The following PLSCR5 variants were observed in gnomAD, a reference collection of about 807,000 sequenced individuals.
PLSCR5 encodes the protein phospholipid scramblase family, member 5.
In PLSCR5, 44 loss-of-function variants were observed where a neutral mutation model predicts 33.6. The ratio of observed to expected loss-of-function variants is 1.31; its 90% CI spans 1.03 to 1.69. The LOEUF is 1.69. PLSCR5 is among the 40% of genes most tolerant of loss of function. The probability of loss-of-function intolerance (pLI) is 0.00; values close to 1 mark genes in which losing one functional copy is unlikely to be tolerated. For synonymous variants in PLSCR5, 148 were observed against 112.3 expected, an observed-to-expected ratio of 1.32 and a Z score of -2.01; for missense variants, 375 against 318.7, an observed-to-expected ratio of 1.18 and a Z score of -1.34.
intron 1 of PLSCR5, among the ~76,000 whole-genome samples, chr3:146,603,377 G>T (rs2044836350): frequency 6.6e-6 from 1 of 152,050 alleles, no homozygotes; most frequent in Non-Finnish European, 1.5e-5. Flanking sequence ...TCACAAGAAA[G>T]CTTCATTATC....
intron 5 of PLSCR5, 105 bp downstream of exon 5, chr3:146,591,615 T>C: frequency 8.0e-7 from 1 of 1,249,220 alleles, no homozygotes. Context: ...TGTCATTTTC[T>C]GAACTTATTT....
intron 5 of PLSCR5, 150 bp downstream of exon 5, chr3:146,591,570 G>GA (rs2044714308): frequency 2.3e-6 from 2 of 860,170 alleles, no homozygotes; most frequent in Non-Finnish European, 3.6e-6. Flanking sequence ...TTCTTAGCAT[G>GA]TACAATATGG....
chr3:146,602,428 T>C (rs1357977263), intron 1 of PLSCR5, among the ~76,000 whole-genome samples: 1 of 152,108 alleles, frequency 6.6e-6, no homozygotes, highest in African/African-American at 2.4e-5. Context: ...TAGTTCACAA[T>C]GATAAAATCC....
intron 1 of PLSCR5, among the ~76,000 whole-genome samples, chr3:146,600,711 T>C (rs535400740): frequency 2.0e-5 from 3 of 151,404 alleles, no homozygotes; most frequent in African/African-American, 7.3e-5. Flanking sequence ...TAAAAGACTT[T>C]AGAAAAAAAT....
chr3:146,596,757 A>G (rs1390379193), intron 2 of PLSCR5, among the ~76,000 whole-genome samples: 1 of 152,180 alleles, frequency 6.6e-6, no homozygotes. Flanking sequence ...TTCTCCTTGT[A>G]TGTCCTAAGG....
intron 6 of PLSCR5, 144 bp from the exon 7 acceptor site, chr3:146,586,256 T>C: frequency 1.2e-6 from 1 of 861,710 alleles, no homozygotes; most frequent in Non-Finnish European, 1.6e-6. Flanking sequence ...AGAAGAAAAA[T>C]TTAAAAGTCT....
rs574529361 is a variant in PLSCR5, at chr3:146,594,097, G to GTTTTTAAT, written c.268_275dup (p.Asn92LysfsTer33). 75 of 1,613,514 alleles carry GTTTTTAAT rather than the reference G, an allele frequency of 4.6e-5. No homozygotes were observed. In the East Asian group the frequency reaches 1.4e-3, roughly 30 times the overall value. On this transcript the variant is annotated frameshift_variant, in exon 4 of 8. Transcript: ENST00000443512. LOFTEE classifies it high-confidence loss of function. Reference sequence around the variant, plus strand: ...CAAAGTAAATTCTTTGTCCCAAGCTGTTTTTAATCTCATATTTGTTGGAGG... The same window carrying GTTTTTAAT: ...CAAAGTAAATTCTTTGTCCCAAGCTGTTTTTAATTTTTTAATCTCATATTTGTTGGAGG...
chr3:146,585,944 T>G lies in PLSCR5; in HGVS notation c.*45-2A>C. 3.0e-6 allele frequency: 3 copies of G among 1,009,130 alleles called. No individual in the cohort carries two copies. Among genetic ancestry groups the G allele is most frequent in the Non-Finnish European group, 4.1e-6 (3 of 735,466 alleles). The allele number at this position is 1,009,130 out of a possible 1,614,324, so 62.5% of individuals were successfully genotyped here. A position where few individuals can be genotyped will look rare whatever the true frequency, so the allele number is the denominator to read the frequency against. On this transcript the variant is annotated splice_acceptor_variant, in intron 7 of 7. Transcript: ENST00000443512. LOFTEE classifies it low-confidence loss of function (3UTR_SPLICE). ...TGAAATCCAGAGCCCAAGGGATTTCTAGAAGAAAATGAAAAAGAGTTAGAT... is the reference window on the plus strand; with the variant it reads ...TGAAATCCAGAGCCCAAGGGATTTCGAGAAGAAAATGAAAAAGAGTTAGAT...
intron 6 of PLSCR5, among the ~76,000 whole-genome samples, chr3:146,587,145 G>A (rs971848666): frequency 3.3e-5 from 5 of 152,092 alleles, no homozygotes; most frequent in African/African-American, 9.7e-5. Flanking sequence ...TCAAGTGCAG[G>A]TCCTGATGCA....
intron 2 of PLSCR5, among the ~76,000 whole-genome samples, chr3:146,596,659 A>G (rs1221392589): frequency 6.6e-6 from 1 of 152,180 alleles, no homozygotes; most frequent in African/African-American, 2.4e-5. Flanking sequence ...ACTCACCAGT[A>G]ACTATTAAAC....
chr3:146,592,766 C>T (rs2044726625), intron 4 of PLSCR5, among the ~76,000 whole-genome samples: 1 of 151,980 alleles, frequency 6.6e-6, no homozygotes, highest in Admixed American at 6.6e-5. Context: ...TTAAAAGTTA[C>T]TAATAGTTAT....
At chr3:146,592,816 C>A (rs568057043) in intron 4 of PLSCR5, among the ~76,000 whole-genome samples, 1 of 151,914 alleles carries the variant, frequency 6.6e-6, no homozygotes, top group African/African-American at 2.4e-5. Context: ...CCTGGACTAC[C>A]ATTAAAGAAA....
chr3:146,583,870 C>A (rs1337273349), downstream of PLSCR5, among the ~76,000 whole-genome samples: 2 of 152,172 alleles, frequency 1.3e-5, no homozygotes, highest in Admixed American at 6.5e-5. Context: ...ATGATAATTT[C>A]TTTTTCCCAT....
Position 146,591,891 on chromosome 3 carries a change from G to A in PLSCR5, c.454-10C>T. 1 of 1,575,878 alleles carries A rather than the reference G, an allele frequency of 6.3e-7. No individual in the cohort carries two copies. The highest frequency in any genetic ancestry group is 8.6e-7 in the Non-Finnish European group (1 of 1,161,286). Reference sequence around the variant, plus strand: ...GGGCTTGGATTTCTAACTGTAAGAAGAGATAATGATAAAATAAGATTTTCT... The same window carrying A: ...GGGCTTGGATTTCTAACTGTAAGAAAAGATAATGATAAAATAAGATTTTCT... On this transcript the variant is annotated splice_polypyrimidine_tract_variant and intron_variant, in intron 4 of 7. Coordinates refer to ENST00000443512, the MANE Select transcript of PLSCR5 (RefSeq NM_001085420.2).
In PLSCR5 at chr3:146,604,109, G is replaced by A. The variant is rs140113228; in HGVS notation, c.13+1091C>T. 5.2e-3 allele frequency among the ~76,000 whole-genome samples: 788 copies of A among 152,200 alleles called. 4 individuals are homozygous for A. Among genetic ancestry groups the A allele is most frequent in the African/African-American group, 0.018 (750 of 41,560 alleles). ...CTAATTTAGGATATTACAAATTGAT[G>A]AGCCCTATTATCCTATTTGTAATTA... On this transcript the variant is annotated intron_variant, in intron 1 of 7. Coordinates refer to ENST00000443512, the MANE Select transcript of PLSCR5 (RefSeq NM_001085420.2).
downstream of PLSCR5, among the ~76,000 whole-genome samples, chr3:146,584,633 A>C (rs1238674892): frequency 6.6e-6 from 1 of 152,176 alleles, no homozygotes; most frequent in Non-Finnish European, 1.5e-5. Flanking sequence ...GGGGGTTATC[A>C]GAAAATGTTA....
At chr3:146,604,774 A>G (rs1306316651) in intron 1 of PLSCR5, among the ~76,000 whole-genome samples, 2 of 152,092 alleles carry the variant, frequency 1.3e-5, no homozygotes, top group African/African-American at 4.8e-5. Context: ...CCTACTATGT[A>G]CCCACATAAA....
rs200510836 is a variant in PLSCR5 at position 146,593,902 on chromosome 3, C to T, written c.453+18G>A. On this transcript the variant is annotated intron_variant, in intron 4 of 7. Transcript: ENST00000443512. ...TAATCTTAAAAATCAAAAAGGACAACCAGAGCCAGTAACTAACCTCTTGTA... is the reference window on the plus strand; with the variant it reads ...TAATCTTAAAAATCAAAAAGGACAATCAGAGCCAGTAACTAACCTCTTGTA... 2.5e-6 allele frequency: 4 copies of T among 1,603,384 alleles called. No homozygotes were observed. Among genetic ancestry groups the T allele is most frequent in the Admixed American group, 1.7e-5 (1 of 59,884 alleles).
rs2044719255 is a variant in PLSCR5, at chr3:146,591,889, A to G, written c.454-8T>C. 1.9e-6 allele frequency: 3 copies of G among 1,581,308 alleles called. No individual in the cohort carries two copies. Among genetic ancestry groups the G allele is most frequent in the South Asian group, 1.2e-5 (1 of 85,374 alleles). ...AGGGGCTTGGATTTCTAACTGTAAGAAGAGATAATGATAAAATAAGATTTT... is the reference window on the plus strand; with the variant it reads ...AGGGGCTTGGATTTCTAACTGTAAGGAGAGATAATGATAAAATAAGATTTT... On this transcript the variant is annotated splice_polypyrimidine_tract_variant and splice_region_variant and intron_variant, in intron 4 of 7. Coordinates refer to ENST00000443512, the MANE Select transcript of PLSCR5 (RefSeq NM_001085420.2).
Sources: gnomAD v4.1 joint callset for allele counts (sites outside exome capture counted in the v4.1 genomes callset) on GRCh38, gnomAD v4.1.1 for gene constraint, MANE v1.5 for transcripts, NCBI Gene and HGNC (gene_info 2026-07-23, HGNC 2026-07-21) for gene names.